Variants in PDE4D observed in about 807,000 individuals in gnomAD.
PDE4D encodes phosphodiesterase 4D.
Under a neutral mutation model 87.4 loss-of-function variants are expected in PDE4D, and 24 were observed. That is an observed-to-expected ratio of 0.27 (90% CI 0.20 to 0.39). The LOEUF (loss-of-function observed/expected upper bound fraction) is 0.39, where lower values mean the gene tolerates loss of function less well. Among genes scored for constraint, PDE4D ranks in the 10% least tolerant of loss-of-function variants. The pLI is 1.00. For synonymous variants in PDE4D, 384 were observed against 383.2 expected, an observed-to-expected ratio of 1.00 and a Z score of -0.02; for missense variants, 714 against 1,041.0, an observed-to-expected ratio of 0.69 and a Z score of 4.32.
At chr5:59,152,121 C>A (rs78472981) in intron 5 of PDE4D, among the ~76,000 whole-genome samples, 3,825 of 152,214 alleles carry the variant, frequency 0.025, 145 homozygotes, top group African/African-American at 0.077. Flanking sequence ...GAATAATGAC[C>A]ATGGGACATA....
At chr5:59,042,065 G>T (rs1210970753) in intron 5 of PDE4D, among the ~76,000 whole-genome samples, 3 of 152,190 alleles carry the variant, frequency 2.0e-5, no homozygotes, top group African/African-American at 2.4e-5. Context: ...GTATAAATAA[G>T]AAAAATGAAA....
At chr5:59,790,984 T>G (rs1350491005) in intron 1 of PDE4D, among the ~76,000 whole-genome samples, 1 of 152,052 alleles carries the variant, frequency 6.6e-6, no homozygotes, top group East Asian at 1.9e-4. Context: ...CACAGGGAGG[T>G]GGGAGTGCAC....
intron 2 of PDE4D, among the ~76,000 whole-genome samples, chr5:60,109,289 T>C (rs1396878554): frequency 6.6e-6 from 1 of 152,138 alleles, no homozygotes. Flanking sequence ...ATCAGAGGAA[T>C]GCAAATCAAA....
chr5:60,447,558 A>T (rs1745742361), intron 1 of PDE4D, among the ~76,000 whole-genome samples: 1 of 152,168 alleles, frequency 6.6e-6, no homozygotes, highest in Admixed American at 6.5e-5. Flanking sequence ...AAAAAAAGAA[A>T]GAAAACAAAT....
chr5:59,242,457 C>A (rs1561792734), intron 1 of PDE4D, among the ~76,000 whole-genome samples: 1 of 152,066 alleles, frequency 6.6e-6, no homozygotes, highest in Non-Finnish European at 1.5e-5. Flanking sequence ...AATTTCAACT[C>A]CACTGGGGTG....
chr5:58,988,678 T>A, intron 10 of PDE4D, 86 bp from the exon 11 acceptor site: 1 of 561,580 alleles, frequency 1.8e-6, no homozygotes, highest in Non-Finnish European at 2.9e-6. Context: ...CTCTAGAATT[T>A]AAATGGAAAA....
intron 1 of PDE4D, among the ~76,000 whole-genome samples, chr5:59,751,127 T>G (rs1358667569): frequency 6.6e-6 from 1 of 152,048 alleles, no homozygotes; most frequent in Admixed American, 6.6e-5. Flanking sequence ...AGTGATAAAA[T>G]AGAGAAAATT....
chr5:60,402,380 C>A (rs1339482233), intron 1 of PDE4D, among the ~76,000 whole-genome samples: 2 of 152,226 alleles, frequency 1.3e-5, no homozygotes, highest in African/African-American at 4.8e-5. Context: ...ATGTCTACTA[C>A]ATGGAACAGC....
intron 1 of PDE4D, among the ~76,000 whole-genome samples, chr5:60,318,827 G>A (rs1284610178): frequency 6.6e-6 from 1 of 152,040 alleles, no homozygotes; most frequent in Non-Finnish European, 1.5e-5. Flanking sequence ...CTCTCTTCTG[G>A]CTTGTAGAGT....
At chr5:59,676,381 T>C (rs1421400) in intron 1 of PDE4D, among the ~76,000 whole-genome samples, 1 of 152,226 alleles carries the variant, frequency 6.6e-6, no homozygotes, top group African/African-American at 2.4e-5. Flanking sequence ...TATTCATTTA[T>C]ACTTTCATTC....
chr5:59,747,843 C>A (rs908737741), intron 1 of PDE4D, among the ~76,000 whole-genome samples: 1 of 152,148 alleles, frequency 6.6e-6, no homozygotes, highest in Non-Finnish European at 1.5e-5. Context: ...CCTATTCCCC[C>A]AAAGCCTCCT....
chr5:60,087,135 G>C (rs1056444921), intron 2 of PDE4D, among the ~76,000 whole-genome samples: 1 of 152,162 alleles, frequency 6.6e-6, no homozygotes. Flanking sequence ...CCCCAGAGTG[G>C]GAAACAATGG....
At chr5:60,443,241 G>A (rs547958004) in intron 1 of PDE4D, among the ~76,000 whole-genome samples, 1 of 152,126 alleles carries the variant, frequency 6.6e-6, no homozygotes, top group African/African-American at 2.4e-5. Context: ...AGACCTCAGT[G>A]TATGAAGAAA....
intron 1 of PDE4D, among the ~76,000 whole-genome samples, chr5:59,519,470 G>C (rs1350821825): frequency 6.6e-6 from 1 of 152,184 alleles, no homozygotes; most frequent in East Asian, 1.9e-4. Flanking sequence ...CCCAGCACTG[G>C]GAACAGGTAG....
chr5:60,256,939 G>A (rs1749114994), intron 1 of PDE4D, among the ~76,000 whole-genome samples: 1 of 151,780 alleles, frequency 6.6e-6, no homozygotes, highest in Non-Finnish European at 1.5e-5. Flanking sequence ...ATACACACAT[G>A]CACCCACATG....
intron 2 of PDE4D, among the ~76,000 whole-genome samples, chr5:60,045,030 T>C (rs983022896): frequency 1.3e-5 from 2 of 152,178 alleles, no homozygotes; most frequent in African/African-American, 2.4e-5. Flanking sequence ...GCACCTGTTG[T>C]TTCCTGACTT....
At chr5:59,528,272 T>A (rs762629861) in intron 1 of PDE4D, among the ~76,000 whole-genome samples, 1 of 152,132 alleles carries the variant, frequency 6.6e-6, no homozygotes, top group African/African-American at 2.4e-5. Flanking sequence ...ATCTTTATTA[T>A]GGAAAAGGGT....
rs1179611553 is a variant in PDE4D at position 60,058,328 on chromosome 5, G to A, written c.43-69611C>T. On this transcript the variant is annotated intron_variant, in intron 2 of 16. Coordinates refer to the PDE4D transcript ENST00000502484. ...TTTTGTTTCTTGCATTTGATCTGCT[G>A]ACTTCATATGCTAAGAGATTACTAT... is the stretch of plus-strand genomic sequence containing the variant. Among the ~76,000 whole-genome samples the A allele has an allele frequency of 2.0e-5, 3 of 151,840 alleles. No homozygotes were observed. The East Asian group carries it at 5.8e-4, about 29-fold the overall frequency.
chr5:59,580,654 G>T (rs979194212), intron 1 of PDE4D, among the ~76,000 whole-genome samples: 5 of 152,032 alleles, frequency 3.3e-5, no homozygotes, highest in Non-Finnish European at 7.4e-5. Flanking sequence ...AATAGAGAGA[G>T]AGACAGGGTC....
Sources: allele counts gnomAD v4.1 joint callset (sites outside exome capture counted in the v4.1 genomes callset), GRCh38; gene constraint gnomAD v4.1.1; transcripts MANE v1.5; gene names NCBI Gene and HGNC (gene_info 2026-07-23, HGNC 2026-07-21).